PDE1A: variants seen among roughly 807,000 people sequenced by gnomAD.
PDE1A encodes the protein dual specificity calcium/calmodulin-dependent 3',5'-cyclic nucleotide phosphodiesterase 1A.
PDE1A carries 35 observed loss-of-function variants against 61.7 expected under a neutral mutation model. The ratio of observed to expected loss-of-function variants is 0.57; its 90% CI spans 0.43 to 0.75. The LOEUF (loss-of-function observed/expected upper bound fraction) is 0.75. Ranked by LOEUF, PDE1A falls within the 30% of genes least tolerant of loss-of-function variation. The pLI is 0.00. For missense variants in PDE1A, 597 were observed against 630.6 expected, an observed-to-expected ratio of 0.95 and a Z score of 0.57; for synonymous variants, 232 against 213.2, an observed-to-expected ratio of 1.09 and a Z score of -0.77.
At chr2:182,362,630 A>G (rs966541476) in intron 1 of PDE1A, among the ~76,000 whole-genome samples, 2 of 151,996 alleles carry the variant, frequency 1.3e-5, no homozygotes, top group Non-Finnish European at 2.9e-5. Flanking sequence ...CTTATCTATA[A>G]AAATGTGGTT....
Position 182,168,139 on chromosome 2 carries a change from C to T in PDE1A, c.*108G>A, listed in dbSNP as rs558603916. 5.6e-5 allele frequency: 82 copies of T among 1,457,516 alleles called. No individual in the cohort carries two copies. In the African/African-American group the frequency reaches 1.1e-3, roughly 19 times the overall value. 90.3% of individuals were successfully genotyped at this position (1,457,516 alleles called of 1,614,324 possible). Reference sequence around the variant, plus strand: ...TTGAGCAATCTGCAAAAATAGATTTCCTGTCTCACACAGGACAGGGTAGAT... The same window carrying T: ...TTGAGCAATCTGCAAAAATAGATTTTCTGTCTCACACAGGACAGGGTAGAT... On this transcript the variant is annotated 3_prime_UTR_variant, in exon 14 of 14. Coordinates refer to ENST00000351439, the Ensembl canonical transcript of PDE1A.
chr2:182,420,500 A>C (rs761231297), intron 1 of PDE1A, among the ~76,000 whole-genome samples: 2 of 152,188 alleles, frequency 1.3e-5, no homozygotes, highest in Non-Finnish European at 2.9e-5. Context: ...TTGATCCTTA[A>C]AAAAGTCAAA....
At chr2:182,344,490 G>A (rs1027312954) in intron 1 of PDE1A, among the ~76,000 whole-genome samples, 1 of 152,008 alleles carries the variant, frequency 6.6e-6, no homozygotes, top group Non-Finnish European at 1.5e-5. Flanking sequence ...ATCACTCAGA[G>A]CAGAGCATTC....
the PDE1A span, among the ~76,000 whole-genome samples, chr2:182,591,133 C>G: frequency 6.6e-6 from 1 of 152,228 alleles, no homozygotes; most frequent in Non-Finnish European, 1.5e-5. Flanking sequence ...CTAACCTAAA[C>G]AAAATTAGTC....
chr2:182,676,003 C>T, the PDE1A span, among the ~76,000 whole-genome samples: 2 of 151,954 alleles, frequency 1.3e-5, no homozygotes, highest in African/African-American at 4.8e-5. Flanking sequence ...TTGCTTTTGG[C>T]ATCTTTCTCA....
At chr2:182,550,628 G>A in the PDE1A span, among the ~76,000 whole-genome samples, 2 of 152,180 alleles carry the variant, frequency 1.3e-5, no homozygotes, top group African/African-American at 4.8e-5. Context: ...ACACATTATT[G>A]TATTATTCAG....
chr2:182,182,422 T>C (rs1684842043), intron 13 of PDE1A, among the ~76,000 whole-genome samples: 1 of 152,144 alleles, frequency 6.6e-6, no homozygotes, highest in African/African-American at 2.4e-5. Context: ...ATAGACCCTC[T>C]CAACCATTAC....
At chr2:182,602,552 T>C in the PDE1A span, among the ~76,000 whole-genome samples, 1 of 152,238 alleles carries the variant, frequency 6.6e-6, no homozygotes, top group Non-Finnish European at 1.5e-5. Context: ...TGGTTTCTCA[T>C]GAAGCAAAAG....
chr2:182,440,874 G>T (rs1684746572), intron 2 of PDE1A, among the ~76,000 whole-genome samples: 1 of 151,318 alleles, frequency 6.6e-6, no homozygotes, highest in Admixed American at 6.6e-5. Flanking sequence ...CTTTTAGTAT[G>T]CCTAAGCACT....
intron 1 of PDE1A, among the ~76,000 whole-genome samples, chr2:182,324,765 A>G (rs937977523): frequency 6.6e-6 from 1 of 152,158 alleles, no homozygotes; most frequent in African/African-American, 2.4e-5. Context: ...TGTCCCTTCC[A>G]TCCTCCATTC....
At chr2:182,517,433 G>T (rs1454707776) in intron 2 of PDE1A, among the ~76,000 whole-genome samples, 1 of 152,134 alleles carries the variant, frequency 6.6e-6, no homozygotes, top group Non-Finnish European at 1.5e-5. Flanking sequence ...TCTAGTTACA[G>T]CCAGTATAAG....
Position 182,284,271 on chromosome 2 carries a change from A to T in PDE1A, c.54-19857T>A, listed in dbSNP as rs187673963. On this transcript the variant is annotated intron_variant, in intron 1 of 13. Coordinates refer to ENST00000351439, the Ensembl canonical transcript of PDE1A. ...GATGAAAGTAGTTTTTGGTAAATTGACTTAGCTTACTTCTTAGCTAGAACA... is the reference window on the plus strand; with the variant it reads ...GATGAAAGTAGTTTTTGGTAAATTGTCTTAGCTTACTTCTTAGCTAGAACA... 3.9e-4 allele frequency among the ~76,000 whole-genome samples: 60 copies of T among 152,268 alleles called. No homozygotes were observed. In the East Asian group the frequency reaches 0.011, roughly 29 times the overall value.
chr2:182,235,786 G>A (rs1262728302), intron 3 of PDE1A, among the ~76,000 whole-genome samples: 2 of 152,138 alleles, frequency 1.3e-5, no homozygotes, highest in African/African-American at 4.8e-5. Flanking sequence ...TAAATATAAC[G>A]ATAAATATGG....
chr2:182,271,244 T>C (rs1217394868), intron 1 of PDE1A, among the ~76,000 whole-genome samples: 1 of 151,066 alleles, frequency 6.6e-6, no homozygotes, highest in African/African-American at 2.4e-5. Context: ...TGCTTGAGTG[T>C]ACTAATCATT....
chr2:182,265,581 C>G (rs899805851), intron 1 of PDE1A, among the ~76,000 whole-genome samples: 4 of 152,018 alleles, frequency 2.6e-5, no homozygotes, highest in Non-Finnish European at 5.9e-5. Context: ...GTTACAGAAA[C>G]CACGAGATAA....
chr2:182,335,092 G>A (rs1318755257), intron 1 of PDE1A, among the ~76,000 whole-genome samples: 1 of 151,208 alleles, frequency 6.6e-6, no homozygotes, highest in Non-Finnish European at 1.5e-5. Context: ...CCTCTTCAAG[G>A]AGAACTGCTC....
At chr2:182,625,403 T>C in the PDE1A span, among the ~76,000 whole-genome samples, 1 of 152,196 alleles carries the variant, frequency 6.6e-6, no homozygotes, top group Non-Finnish European at 1.5e-5. Context: ...AATAGGTAGT[T>C]AGTTTAACTT....
At chr2:182,274,915 G>A (rs1020902831) in intron 1 of PDE1A, among the ~76,000 whole-genome samples, 13 of 151,946 alleles carry the variant, frequency 8.6e-5, no homozygotes, top group South Asian at 8.3e-4. Context: ...TTTTGAGAAC[G>A]CATCATCACT....
At chr2:182,472,015 T>G (rs1432753841) in intron 2 of PDE1A, among the ~76,000 whole-genome samples, 1 of 151,800 alleles carries the variant, frequency 6.6e-6, no homozygotes, top group East Asian at 1.9e-4. Flanking sequence ...TTAGATACCA[T>G]CTTACACTAA....
Sources: allele counts gnomAD v4.1 joint callset (sites outside exome capture counted in the v4.1 genomes callset), GRCh38; gene constraint gnomAD v4.1.1; transcripts MANE v1.5; gene names NCBI Gene and HGNC (gene_info 2026-07-23, HGNC 2026-07-21).